CDH12: variants seen among roughly 807,000 people sequenced by gnomAD.
CDH12 encodes the protein cadherin 12.
A neutral mutation model predicts 74.1 loss-of-function variants in CDH12; 41 were observed. The observed-to-expected ratio is 0.55, with a 90% CI of 0.43 to 0.72. The LOEUF is 0.72. CDH12 is among the 30% of genes least tolerant of loss of function. The probability of loss-of-function intolerance (pLI) is 0.00; values close to 1 mark genes in which losing one functional copy is unlikely to be tolerated. For missense variants in CDH12, 945 were observed against 977.2 expected (o/e 0.97, Z 0.44); for synonymous variants, 399 against 355.0 (o/e 1.12, Z -1.39).
At chr5:22,478,109 T>G (rs1462823454) in intron 2 of CDH12, among the ~76,000 whole-genome samples, 1 of 152,128 alleles carries the variant, frequency 6.6e-6, no homozygotes, top group African/African-American at 2.4e-5. Context: ...GAAATTTTAT[T>G]GTTAATTTTT....
chr5:22,308,965 GA>G (rs1465203569), intron 3 of CDH12, among the ~76,000 whole-genome samples: 3 of 114,044 alleles, frequency 2.6e-5, no homozygotes, highest in African/African-American at 9.0e-5. Flanking sequence ...AGGAGAGAGA[GA>G]GAGAGAGAAA....
chr5:22,699,171 T>C (rs1308859327), intron 1 of CDH12, among the ~76,000 whole-genome samples: 2 of 152,212 alleles, frequency 1.3e-5, no homozygotes. Context: ...GATGTGCTTT[T>C]TCTTTAACAC....
intron 4 of CDH12, among the ~76,000 whole-genome samples, chr5:22,093,989 T>A (rs545913128): frequency 6.6e-6 from 1 of 152,182 alleles, no homozygotes; most frequent in East Asian, 1.9e-4. Context: ...GTATTTCCAC[T>A]GATTTACATG....
intron 3 of CDH12, among the ~76,000 whole-genome samples, chr5:22,355,443 T>C (rs1405118696): frequency 6.6e-6 from 1 of 151,476 alleles, no homozygotes; most frequent in African/African-American, 2.4e-5. Flanking sequence ...CCTTTTTAAA[T>C]AAGACTTCAA....
At position 22,482,591 on chromosome 5, in the gene CDH12, A is replaced by T. The variant is rs1746427063; in HGVS notation, c.-428+22679T>A. ...AAAGTAATTTTCCACATTTTATAAG[A>T]TTTTTTAATGAAATCCAGTTTAGAA... On this transcript the variant is annotated intron_variant, in intron 2 of 14. Transcript: ENST00000382254. Among the ~76,000 whole-genome samples the T allele has an allele frequency of 2.0e-5, 3 of 152,146 alleles. No individual in the cohort carries two copies. The South Asian group carries it at 6.2e-4, about 32-fold the overall frequency.
At chr5:22,608,269 C>T (rs1737220493) in intron 1 of CDH12, among the ~76,000 whole-genome samples, 2 of 152,316 alleles carry the variant, frequency 1.3e-5, no homozygotes, top group East Asian at 3.9e-4. Flanking sequence ...CAGCAATGAC[C>T]TGGATATAAG....
intron 2 of CDH12, among the ~76,000 whole-genome samples, chr5:22,460,866 G>A (rs1472077153): frequency 1.3e-5 from 2 of 149,484 alleles, no homozygotes; most frequent in South Asian, 2.1e-4. Flanking sequence ...GATTACAGGC[G>A]CCTGCCACCA....
At chr5:22,024,603 C>G (rs1738222858) in intron 5 of CDH12, among the ~76,000 whole-genome samples, 1 of 152,170 alleles carries the variant, frequency 6.6e-6, no homozygotes, top group Admixed American at 6.6e-5. Flanking sequence ...ACCTCCACCT[C>G]CCAAATTCAA....
At chr5:21,759,553 G>A (rs187640110) in intron 13 of CDH12, among the ~76,000 whole-genome samples, 5 of 152,154 alleles carry the variant, frequency 3.3e-5, no homozygotes, top group African/African-American at 1.2e-4. Context: ...AAAATATTAT[G>A]AGGTTGACTT....
intron 4 of CDH12, among the ~76,000 whole-genome samples, chr5:22,103,538 GT>G (rs1385810519): frequency 1.3e-5 from 2 of 152,128 alleles, no homozygotes; most frequent in African/African-American, 4.8e-5. Flanking sequence ...AAATTGCATT[GT>G]GTTCCTTCTC....
At chr5:22,230,326 T>G (rs564857791) in intron 3 of CDH12, among the ~76,000 whole-genome samples, 1 of 152,236 alleles carries the variant, frequency 6.6e-6, no homozygotes. Context: ...ATAATATCAT[T>G]ATTTTTCTGG....
chr5:22,829,654 C>T (rs1182677995), intron 1 of CDH12, among the ~76,000 whole-genome samples: 1 of 152,162 alleles, frequency 6.6e-6, no homozygotes, highest in Admixed American at 6.5e-5. Flanking sequence ...TTCACTTTGG[C>T]GTGGACCTTT....
intron 4 of CDH12, among the ~76,000 whole-genome samples, chr5:22,206,868 T>C (rs554024693): frequency 3.6e-4 from 54 of 151,296 alleles, no homozygotes; most frequent in Admixed American, 1.5e-3. Flanking sequence ...ATAAAAATAC[T>C]GAGTCTCTCC....
intron 3 of CDH12, among the ~76,000 whole-genome samples, chr5:22,291,449 A>G (rs1325664265): frequency 6.6e-6 from 1 of 152,172 alleles, no homozygotes; most frequent in Non-Finnish European, 1.5e-5. Context: ...ACATAATTTT[A>G]TATGTAGAAA....
intron 3 of CDH12, among the ~76,000 whole-genome samples, chr5:22,367,017 C>T (rs1451677880): frequency 6.6e-6 from 1 of 152,140 alleles, no homozygotes; most frequent in Non-Finnish European, 1.5e-5. Flanking sequence ...ATTCATGTTT[C>T]ACTTTGTTCA....
At chr5:21,980,287 G>C (rs1757253791) in intron 5 of CDH12, among the ~76,000 whole-genome samples, 1 of 151,588 alleles carries the variant, frequency 6.6e-6, no homozygotes, top group Non-Finnish European at 1.5e-5. Context: ...CCTAATTCTT[G>C]CAATTCAGTA....
At chr5:22,117,752 GC>G (rs1330552433) in intron 4 of CDH12, among the ~76,000 whole-genome samples, 1 of 150,672 alleles carries the variant, frequency 6.6e-6, no homozygotes, top group African/African-American at 2.4e-5. Flanking sequence ...TTACATCATT[GC>G]ATGTATACAC....
chr5:22,078,980 A>C (rs891391161), intron 4 of CDH12, 118 bp from the exon 5 acceptor site: 6 of 317,490 alleles, frequency 1.9e-5, no homozygotes, highest in African/African-American at 1.1e-4. Flanking sequence ...CTATAAAAGA[A>C]TTATATTAGT....
chr5:22,120,634 G>A (rs1329137987), intron 4 of CDH12, among the ~76,000 whole-genome samples: 1 of 152,014 alleles, frequency 6.6e-6, no homozygotes, highest in Non-Finnish European at 1.5e-5. Context: ...CAATGGTTGT[G>A]GAATAAGTAA....
Sources: gnomAD v4.1 joint callset for allele counts (sites outside exome capture counted in the v4.1 genomes callset) on GRCh38, gnomAD v4.1.1 for gene constraint, MANE v1.5 for transcripts, NCBI Gene and HGNC (gene_info 2026-07-23, HGNC 2026-07-21) for gene names.